The following SENP1 variants were observed in gnomAD, a reference collection of about 807,000 sequenced individuals.
SENP1 encodes SUMO specific peptidase 1.
In SENP1, 21 loss-of-function variants were observed where a neutral mutation model predicts 93.0. That is an observed-to-expected ratio of 0.23 (90% CI 0.16 to 0.33). The LOEUF (loss-of-function observed/expected upper bound fraction) is 0.33. SENP1 is among the 10% of genes least tolerant of loss of function. The pLI, the probability that SENP1 is intolerant of heterozygous loss-of-function variation, is 1.00. For missense variants in SENP1, 591 were observed against 758.7 expected, an observed-to-expected ratio of 0.78 and a Z score of 2.60; for synonymous variants, 256 against 259.6, an observed-to-expected ratio of 0.99 and a Z score of 0.13.
chr12:48,086,165 T>C (rs1358076454), intron 5 of SENP1, among the ~76,000 whole-genome samples: 1 of 152,164 alleles, frequency 6.6e-6, no homozygotes, highest in Non-Finnish European at 1.5e-5. Context: ...TTGAAACATA[T>C]GAAGTGTCTA....
At chr12:48,085,407 GAA>G in intron 5 of SENP1, 1 of 1,180,760 alleles carries the variant, frequency 8.5e-7, no homozygotes, top group Non-Finnish European at 1.2e-6. Flanking sequence ...GTTCACTGCC[GAA>G]GACCTGTGCT....
At chr12:48,071,609 C>T (rs1343918584) in intron 9 of SENP1, 58 bp downstream of exon 9, 1 of 1,223,986 alleles carries the variant, frequency 8.2e-7, no homozygotes, top group African/African-American at 1.5e-5. Context: ...GAGCGAGACT[C>T]CGTCTCAAAA....
chr12:48,054,581 G>A (rs1942080362), intron 13 of SENP1, among the ~76,000 whole-genome samples: 1 of 152,110 alleles, frequency 6.6e-6, no homozygotes, highest in Non-Finnish European at 1.5e-5. Context: ...CCTGAGGTCA[G>A]GAGTTCAAGA....
intron 6 of SENP1, among the ~76,000 whole-genome samples, chr12:48,079,457 C>A (rs1944361539): frequency 6.6e-6 from 1 of 152,080 alleles, no homozygotes; most frequent in African/African-American, 2.4e-5. Context: ...CGAGATCGCG[C>A]CACTGCACTC....
intron 5 of SENP1, 132 bp from the exon 6 acceptor site, chr12:48,083,894 G>C (rs1944655813): frequency 1.6e-6 from 1 of 609,428 alleles, no homozygotes; most frequent in African/African-American, 1.9e-5. Flanking sequence ...TCCCATTTGA[G>C]GGAAAGATAC....
chr12:48,061,950 TG>T (rs1565754930), intron 13 of SENP1, among the ~76,000 whole-genome samples: 1 of 151,940 alleles, frequency 6.6e-6, no homozygotes, highest in Non-Finnish European at 1.5e-5. Flanking sequence ...TGGCTAGGGG[TG>T]GTAGGGATAA....
rs574312330 is a variant in SENP1 at position 48,074,722 on chromosome 12, T to C, written c.624A>G (p.Ile208Met). 1.7e-4 allele frequency: 279 copies of C among 1,613,646 alleles called. 4 individuals are homozygous for C. In the South Asian group the frequency reaches 2.9e-3, roughly 17 times the overall value. The change falls in exon 7 of 18, where the codon ATA becomes ATG. Residue 208 changes from isoleucine (I) to methionine (M), a missense_variant. Physicochemically the swap from Ile to Met is conservative, Grantham distance 10. Around this residue, in one of 4 missense-constraint regions of SENP1, gnomAD observed 214 missense variants for 243.4 expected, o/e 0.88. Transcript: ENST00000549518. The part of the protein sequence containing the change: ...LQMVTGKQFT[I>M]AKPTTHFPLH... ...AAGGAAAATGTGTGGTGGGTTTGGC[T>C]ATAGTAAACTGTTTCCCTGTGACCA...
rs1259504203 is a variant in SENP1 at position 48,071,713 on chromosome 12, A to C, written c.949T>G (p.Ser317Ala). 2 of 1,606,356 alleles carry C rather than the reference A, an allele frequency of 1.2e-6. No homozygotes were observed. The highest frequency in any genetic ancestry group is 1.7e-6 in the Non-Finnish European group (2 of 1,173,812). Residue 317 changes from serine (S) to alanine (A), a missense_variant, in exon 9 of 18, where the codon TCT becomes GCT. Transcript: ENST00000549518. ...ASNTQSEGSDSVILLKVKDSQ... is the reference protein window; with the variant it reads ...ASNTQSEGSDAVILLKVKDSQ... ...TCTTTCACTTTCAGTAAAATCACAG[A>C]GTCTGATCCTAAAGAAACACAAGAG... is the stretch of plus-strand genomic sequence containing the variant.
rs1462840678 is a variant in SENP1, at chr12:48,083,475, C to T, written c.552+116G>A. The T allele has an allele frequency of 1.7e-5, 14 of 813,758 alleles. No homozygotes were observed. In the East Asian group the frequency reaches 3.7e-4, roughly 22 times the overall value. 50.4% of individuals were successfully genotyped at this position (813,758 alleles called of 1,614,324 possible). A position where few individuals can be genotyped will look rare whatever the true frequency, so the allele number is the denominator to read the frequency against. On this transcript the variant is annotated intron_variant, in intron 6 of 17. Coordinates refer to ENST00000549518, the MANE Select transcript of SENP1 (RefSeq NM_001267594.2). Reference sequence around the variant, plus strand: ...AAAAGAGTAATTCAGACAGAAAAAGCACAGGAAGGATAAAATAGAATGGTT... The same window carrying T: ...AAAAGAGTAATTCAGACAGAAAAAGTACAGGAAGGATAAAATAGAATGGTT...
rs1592289672 is a variant in SENP1, at chr12:48,052,253, T to C, written c.1408-3121A>G. On this transcript the variant is annotated intron_variant, in intron 13 of 17. Transcript: ENST00000549518. ...TATTTGTATCTTCCTTCTTCCCCAGTAAACCAGCCAAACTATTGTTTTCTC... is the reference window on the plus strand; with the variant it reads ...TATTTGTATCTTCCTTCTTCCCCAGCAAACCAGCCAAACTATTGTTTTCTC... 2.0e-5 allele frequency among the ~76,000 whole-genome samples: 3 copies of C among 152,360 alleles called. No homozygotes were observed. The South Asian group carries it at 6.2e-4, about 32-fold the overall frequency.
rs142781911 is a variant in SENP1 at position 48,101,458 on chromosome 12, G to A, written c.4+11C>T. ...AGTAGCTAAAAGGATTCAACAGCTAGTTAGTCTTACCCATTTCAAGTCTTT... is the reference window on the plus strand; with the variant it reads ...AGTAGCTAAAAGGATTCAACAGCTAATTAGTCTTACCCATTTCAAGTCTTT... On this transcript the variant is annotated intron_variant, in intron 2 of 17. Transcript: ENST00000549518. 279 of 1,596,958 alleles carry A rather than the reference G, an allele frequency of 1.7e-4. 1 individual carries two copies. In the African/African-American group the frequency reaches 3.4e-3, roughly 19 times the overall value.
At chr12:48,105,473 A>C (rs373825605) in intron 1 of SENP1, 1 of 519,006 alleles carries the variant, frequency 1.9e-6, no homozygotes, top group Non-Finnish European at 3.8e-6. Context: ...AGGAGGGTCC[A>C]GACGTTTCTT....
At chr12:48,104,080 A>G (rs1014184988) in intron 1 of SENP1, among the ~76,000 whole-genome samples, 1 of 151,862 alleles carries the variant, frequency 6.6e-6, no homozygotes, top group Non-Finnish European at 1.5e-5. Flanking sequence ...GTATGGTGGC[A>G]GGCACCCATA....
chr12:48,051,471 C>T (rs887648696), intron 13 of SENP1, among the ~76,000 whole-genome samples: 22 of 152,334 alleles, frequency 1.4e-4, no homozygotes, highest in African/African-American at 5.3e-4. Flanking sequence ...ATGCTCCCCA[C>T]ATTAGCTGAG....
intron 13 of SENP1, among the ~76,000 whole-genome samples, chr12:48,054,587 C>T (rs561537749): frequency 2.0e-5 from 3 of 152,150 alleles, no homozygotes; most frequent in Admixed American, 2.0e-4. Context: ...GTCAGGAGTT[C>T]AAGACCAGGC....
chr12:48,101,637 G>A, intron 1 of SENP1, 121 bp from the exon 2 acceptor site: 1 of 580,232 alleles, frequency 1.7e-6, no homozygotes. Context: ...AAAATCTAAG[G>A]TGGTAAAGAG....
At position 48,092,307 on chromosome 12, in the gene SENP1, C is replaced by T. The variant is rs1592456817; in HGVS notation, c.221-3347G>A. Reference sequence around the variant, plus strand: ...GTAAGGCACAAAGTGATGACCACTGCAATCGATGTGGGGATTATCAGAAAA... The same window carrying T: ...GTAAGGCACAAAGTGATGACCACTGTAATCGATGTGGGGATTATCAGAAAA... On this transcript the variant is annotated intron_variant, in intron 4 of 17. Coordinates refer to ENST00000549518, the MANE Select transcript of SENP1 (RefSeq NM_001267594.2). Among the ~76,000 whole-genome samples, 7 of 152,194 alleles carry T rather than the reference C, an allele frequency of 4.6e-5. No homozygotes were observed. In the South Asian group the frequency reaches 1.0e-3, roughly 23 times the overall value.
intron 4 of SENP1, 56 bp from the exon 5 acceptor site, chr12:48,089,016 T>A: frequency 6.4e-7 from 1 of 1,562,232 alleles, no homozygotes; most frequent in Non-Finnish European, 8.7e-7. Flanking sequence ...GTTCTCCTTA[T>A]GACTGCAACC....
At position 48,057,242 on chromosome 12, in the gene SENP1, T is replaced by A. The variant is rs1039421498; in HGVS notation, c.1407+6468A>T. Among the ~76,000 whole-genome samples, 35 of 144,580 alleles carry A rather than the reference T, an allele frequency of 2.4e-4. 1 individual carries two copies. The highest frequency in any genetic ancestry group is 4.6e-4 in the Non-Finnish European group (31 of 66,680). The allele number at this position is 144,580 out of a possible 152,430, so 94.9% of individuals were successfully genotyped here. A position where few individuals can be genotyped will look rare whatever the true frequency, so the allele number is the denominator to read the frequency against. On this transcript the variant is annotated intron_variant, in intron 13 of 17. Transcript: ENST00000549518. Reference sequence around the variant, plus strand: ...TATAAAAAATACATTATATATATATTTTTTTGAGACAAAGTCTCACTCTGT... The same window carrying A: ...TATAAAAAATACATTATATATATATATTTTTGAGACAAAGTCTCACTCTGT...
Sources: allele counts gnomAD v4.1 joint callset (sites outside exome capture counted in the v4.1 genomes callset), GRCh38; gene constraint gnomAD v4.1.1; regional missense constraint gnomAD v4.1.1; transcripts MANE v1.5; gene names NCBI Gene and HGNC (gene_info 2026-07-23, HGNC 2026-07-21).